Variants in MEI4 observed in about 807,000 individuals in gnomAD.
MEI4 encodes meiotic double-stranded break formation protein 4.
MEI4 carries 27 observed loss-of-function variants against 31.4 expected under a neutral mutation model. The ratio of observed to expected loss-of-function variants is 0.86; its 90% confidence interval spans 0.63 to 1.19. The LOEUF (loss-of-function observed/expected upper bound fraction) is 1.19. Ranked by LOEUF, MEI4 falls within the 50% of genes most tolerant of loss-of-function variation. MEI4 has a pLI of 0.00. For synonymous variants in MEI4, 122 were observed against 145.4 expected (o/e 0.84, Z 1.16); for missense variants, 329 against 398.9 (o/e 0.82, Z 1.49).
At chr6:77,911,734 A>G (rs1024616813) in intron 4 of MEI4, among the ~76,000 whole-genome samples, 16 of 137,604 alleles carry the variant, frequency 1.2e-4, no homozygotes, top group Non-Finnish European at 2.2e-4. Context: ...TATATATATA[A>G]TATATATATA....
At chr6:77,839,452 C>G (rs2127714193) in intron 4 of MEI4, among the ~76,000 whole-genome samples, 2 of 152,080 alleles carry the variant, frequency 1.3e-5, no homozygotes, top group East Asian at 3.9e-4. Flanking sequence ...GAAGGGCATC[C>G]TTAATTCTAT....
rs1766744022 is a variant in MEI4 at position 77,922,963 on chromosome 6, G to C, written c.901-126G>C. The C allele has an allele frequency of 1.5e-5, 7 of 467,698 alleles. No individual in the cohort carries two copies. In the South Asian group the frequency reaches 7.1e-4, roughly 47 times the overall value. 29.0% of individuals were successfully genotyped at this position (467,698 alleles called of 1,614,324 possible). A position where few individuals can be genotyped will look rare whatever the true frequency, so the allele number is the denominator to read the frequency against. ...ATTTCCCCCTTGTTCACCAGTGACA[G>C]GATGACAGAAGGTGTTAAATATTTC... On this transcript the variant is annotated intron_variant, in intron 4 of 4. Transcript: ENST00000684080.
chr6:77,708,853 C>G (rs1256616749), intron 2 of MEI4, among the ~76,000 whole-genome samples: 1 of 152,188 alleles, frequency 6.6e-6, no homozygotes, highest in Non-Finnish European at 1.5e-5. Context: ...AGGCCCTCAA[C>G]AGAAGCAGAT....
At chr6:77,748,586 A>C (rs59620092) in intron 2 of MEI4, among the ~76,000 whole-genome samples, 6 of 152,214 alleles carry the variant, frequency 3.9e-5, no homozygotes, top group Non-Finnish European at 5.9e-5. Context: ...GAGGGGCTGC[A>C]TTAAAGGTCT....
At chr6:77,781,002 T>C (rs1768582137) in intron 3 of MEI4, among the ~76,000 whole-genome samples, 1 of 152,120 alleles carries the variant, frequency 6.6e-6, no homozygotes, top group Non-Finnish European at 1.5e-5. Flanking sequence ...TCCTCTGACC[T>C]CAGCCTCTCT....
At chr6:77,733,281 A>C (rs1172929295) in intron 2 of MEI4, among the ~76,000 whole-genome samples, 5 of 151,990 alleles carry the variant, frequency 3.3e-5, no homozygotes, top group African/African-American at 1.2e-4. Context: ...TTGGTAAGCT[A>C]TTGATTACTG....
At chr6:77,788,860 A>T (rs1303653941) in intron 3 of MEI4, among the ~76,000 whole-genome samples, 1 of 152,226 alleles carries the variant, frequency 6.6e-6, no homozygotes, top group Non-Finnish European at 1.5e-5. Context: ...TGCCATCCCC[A>T]TCTAGCTACA....
intron 2 of MEI4, among the ~76,000 whole-genome samples, chr6:77,734,075 G>T (rs1767101718): frequency 6.6e-6 from 1 of 151,966 alleles, no homozygotes. Flanking sequence ...GAATAGGTGT[G>T]GTGTGGTGCT....
At chr6:77,699,221 G>A (rs866273507) in intron 2 of MEI4, among the ~76,000 whole-genome samples, 197 of 119,664 alleles carry the variant, frequency 1.6e-3, no homozygotes, top group African/African-American at 5.5e-3. Context: ...ACGGAGTCTC[G>A]CTCTGTCACC....
chr6:77,765,625 G>A (rs907419033), intron 3 of MEI4, among the ~76,000 whole-genome samples: 4 of 138,694 alleles, frequency 2.9e-5, no homozygotes, highest in Admixed American at 1.6e-4. Flanking sequence ...GGAAGACAGT[G>A]TGGCAATTCC....
chr6:77,663,473 C>T (rs1050984947), intron 1 of MEI4, among the ~76,000 whole-genome samples: 2 of 152,046 alleles, frequency 1.3e-5, no homozygotes, highest in African/African-American at 4.8e-5. Context: ...TGAGATATAG[C>T]TGTAGTCCAG....
intron 1 of MEI4, among the ~76,000 whole-genome samples, chr6:77,680,128 A>AAAAAAAAAAAAT (rs1247876878): frequency 6.1e-5 from 7 of 115,582 alleles, no homozygotes; most frequent in Non-Finnish European, 1.1e-4. Context: ...AAAAAAAAAA[A>AAAAAAAAAAAAT]ATTAGCTGGG....
chr6:77,688,976 G>A (rs1167690464), intron 1 of MEI4, among the ~76,000 whole-genome samples: 1 of 152,000 alleles, frequency 6.6e-6, no homozygotes, highest in Non-Finnish European at 1.5e-5. Flanking sequence ...TGTTCATCTT[G>A]ACAGTATCTA....
intron 1 of MEI4, among the ~76,000 whole-genome samples, chr6:77,674,372 A>G (rs1310456124): frequency 6.6e-6 from 1 of 152,200 alleles, no homozygotes; most frequent in Non-Finnish European, 1.5e-5. Flanking sequence ...TACTATGGTA[A>G]TGTCATTTCA....
In MEI4 at chr6:77,877,101, C is replaced by G. The variant is rs1173401312; in HGVS notation, c.901-45988C>G. Among the ~76,000 whole-genome samples, 7 of 152,150 alleles carry G rather than the reference C, an allele frequency of 4.6e-5. No individual in the cohort carries two copies. The East Asian group carries it at 1.2e-3, about 25-fold the overall frequency. ...GAAAAAATGGAGTTTAAAATTCATA[C>G]TGATAGAAATCGTAGAAATACCCAC... On this transcript the variant is annotated intron_variant, in intron 4 of 4. Coordinates refer to ENST00000684080, the MANE Select transcript of MEI4 (RefSeq NM_001322247.2).
At chr6:77,757,412 TG>T (rs1767942497) in intron 2 of MEI4, among the ~76,000 whole-genome samples, 2 of 152,204 alleles carry the variant, frequency 1.3e-5, no homozygotes, top group South Asian at 4.1e-4. Context: ...ATTTTTCTGA[TG>T]GTATAGAAAT....
At chr6:77,737,365 A>T (rs1767278145) in intron 2 of MEI4, among the ~76,000 whole-genome samples, 1 of 152,202 alleles carries the variant, frequency 6.6e-6, no homozygotes, top group Non-Finnish European at 1.5e-5. Flanking sequence ...TGGCATGGAA[A>T]TAAAAGAGGT....
In MEI4 at chr6:77,734,161, G is replaced by C. The variant is rs551756297; in HGVS notation, c.233-26969G>C. 5.3e-5 allele frequency among the ~76,000 whole-genome samples: 8 copies of C among 152,108 alleles called. No homozygotes were observed. In the East Asian group the frequency reaches 9.7e-4, roughly 18 times the overall value. On this transcript the variant is annotated intron_variant, in intron 2 of 4. Transcript: ENST00000684080. ...TATTAGGTCCGCTTGGTGCAGAGCT[G>C]AGTTCAATTCCTGGGTATCCTTGTT... is the stretch of plus-strand genomic sequence containing the variant.
chr6:77,788,000 A>G (rs369365509), intron 3 of MEI4, among the ~76,000 whole-genome samples: 12 of 152,280 alleles, frequency 7.9e-5, no homozygotes, highest in East Asian at 5.8e-4. Context: ...TGGTATCAGG[A>G]TGATGCTGGC....
Sources: gnomAD v4.1 joint callset for allele counts (sites outside exome capture counted in the v4.1 genomes callset) on GRCh38, gnomAD v4.1.1 for gene constraint, MANE v1.5 for transcripts, NCBI Gene and HGNC (gene_info 2026-07-23, HGNC 2026-07-21) for gene names.